Variants in ATP6V1D observed in about 807,000 individuals in gnomAD.
The protein encoded by ATP6V1D is ATPase H+ transporting V1 subunit D, also known as V-type proton ATPase subunit D.
Under a neutral mutation model 39.4 loss-of-function variants are expected in ATP6V1D, and 20 were observed. That is an observed-to-expected ratio of 0.51 (90% CI 0.36 to 0.74). The LOEUF is 0.74. ATP6V1D is among the 30% of genes least tolerant of loss of function. ATP6V1D has a pLI of 0.00. For missense variants in ATP6V1D, 228 were observed against 291.6 expected (o/e 0.78, Z 1.59); for synonymous variants, 100 against 100.5 (o/e 0.99, Z 0.03).
intron 1 of ATP6V1D, chr14:67,353,694 C>T (rs111455461): frequency 0.081 from 12,250 of 152,144 alleles, 1,167 homozygotes; most frequent in African/African-American, 0.23. Flanking sequence ...TTTCACCATA[C>T]TGACCAGGCT....
chr14:67,350,684 T>C lies in ATP6V1D; in HGVS notation c.166A>G (p.Met56Val), dbSNP rs763552551. Residue 56 changes from methionine to valine, a missense_variant, in exon 3 of 9, where the codon ATG (methionine) becomes GTG (valine). Met to Val is a conservative substitution (Grantham distance 21). Around this residue, in one of 3 missense-constraint regions of ATP6V1D, gnomAD observed 104 missense variants for 120.2 expected, o/e 0.87. Coordinates refer to ENST00000216442, the MANE Select transcript of ATP6V1D (RefSeq NM_015994.4). ...QILKKIIETK[M>V]LMGEVMREAA... ...TCTCTCATCACTTCGCCCATCAACA[T>C]TTTAGTCTGGAAAAGCATAAACCAA... 8.7e-6 allele frequency: 14 copies of C among 1,613,132 alleles called. No individual in the cohort carries two copies. The South Asian group carries it at 1.3e-4, about 15-fold the overall frequency.
chr14:67,347,790 G>A (rs764439462), intron 4 of ATP6V1D, among the ~76,000 whole-genome samples: 2 of 151,706 alleles, frequency 1.3e-5, no homozygotes, highest in Admixed American at 1.3e-4. Flanking sequence ...ATGAGCCACC[G>A]CGCCTGGCCT....
In ATP6V1D at chr14:67,338,733, A is replaced by T; in HGVS notation, c.632T>A (p.Ile211Asn). The change falls in exon 9 of 9, where the codon ATT (isoleucine) becomes AAT (asparagine). Residue 211 changes from isoleucine to asparagine, a missense_variant. Ile to Asn is a moderately radical substitution (Grantham distance 149). Around this residue, in one of 3 missense-constraint regions of ATP6V1D, gnomAD observed 114 missense variants for 128.3 expected, o/e 0.89. Coordinates refer to ENST00000216442, the MANE Select transcript of ATP6V1D (RefSeq NM_015994.4). ...GTCCTTCTCAGATTTTTCCTTTAGAATCTTTTTCTTCTCTTGTATTTTCTT... is the reference window on the plus strand; with the variant it reads ...GTCCTTCTCAGATTTTTCCTTTAGATTCTTTTTCTTCTCTTGTATTTTCTT... ...RLKKIQEKKK[I>N]LKEKSEKDLE... The T allele has an allele frequency of 6.2e-7, 1 of 1,613,332 alleles. No homozygotes were observed. The highest frequency in any genetic ancestry group is 8.5e-7 in the Non-Finnish European group (1 of 1,179,436).
intron 6 of ATP6V1D, 112 bp downstream of exon 6, chr14:67,345,656 G>C (rs2085614863): frequency 3.1e-6 from 2 of 647,562 alleles, no homozygotes; most frequent in South Asian, 3.9e-5. Flanking sequence ...ATAGGATCAT[G>C]GGAACAGTTA....
At chr14:67,344,913 CAA>C (rs1443312616) in intron 6 of ATP6V1D, among the ~76,000 whole-genome samples, 4 of 149,828 alleles carry the variant, frequency 2.7e-5, no homozygotes, top group Admixed American at 1.3e-4. Flanking sequence ...ACAAAAAAAA[CAA>C]GAGTGTACCA....
At chr14:67,347,767 TG>T (rs940992594) in intron 4 of ATP6V1D, among the ~76,000 whole-genome samples, 28 of 152,186 alleles carry the variant, frequency 1.8e-4, no homozygotes, top group African/African-American at 6.8e-4. Context: ...CCCAAAGTGC[TG>T]GGATTACAGG....
intron 8 of ATP6V1D, among the ~76,000 whole-genome samples, chr14:67,339,700 C>T (rs1177355884): frequency 6.6e-6 from 1 of 152,188 alleles, no homozygotes; most frequent in Non-Finnish European, 1.5e-5. Flanking sequence ...TTTATACCTT[C>T]TCCTGAACAT....
At chr14:67,342,489 C>T (rs906100869) in intron 7 of ATP6V1D, among the ~76,000 whole-genome samples, 12 of 149,616 alleles carry the variant, frequency 8.0e-5, no homozygotes, top group Admixed American at 2.0e-4. Context: ...TCATTAGGCT[C>T]GACTTTACAT....
At chr14:67,350,524 T>G in intron 3 of ATP6V1D, 87 bp downstream of exon 3, 3 of 1,211,252 alleles carry the variant, frequency 2.5e-6, no homozygotes, top group Non-Finnish European at 3.6e-6. Flanking sequence ...TAACGCTTAT[T>G]TCTAAATTAA....
chr14:67,350,540 G>C, intron 3 of ATP6V1D, 71 bp downstream of exon 3: 1 of 1,320,102 alleles, frequency 7.6e-7, no homozygotes, highest in Non-Finnish European at 1.1e-6. Context: ...ATTAAAAAAT[G>C]CTTTTTAAAT....
At chr14:67,338,800 G>C (rs2085558152) in intron 8 of ATP6V1D, 38 bp from the exon 9 acceptor site, 3 of 1,559,470 alleles carry the variant, frequency 1.9e-6, no homozygotes, top group Non-Finnish European at 2.6e-6. Flanking sequence ...TTTAAACACT[G>C]TTTCAATATT....
In ATP6V1D at chr14:67,359,716, G is replaced by C. The variant is rs1413652308; in HGVS notation, c.-18C>G. 1.2e-6 allele frequency: 2 copies of C among 1,613,522 alleles called. No individual in the cohort carries two copies. The highest frequency in any genetic ancestry group is 1.1e-5 in the South Asian group (1 of 91,040). On this transcript the variant is annotated 5_prime_UTR_variant, in exon 1 of 9. Transcript: ENST00000216442. ...CCCGACATTCTGACGATAACTTTTCGGCTCGGGTCCCCGGCCGGGCAACCG... is the reference window on the plus strand; with the variant it reads ...CCCGACATTCTGACGATAACTTTTCCGCTCGGGTCCCCGGCCGGGCAACCG...
chr14:67,347,495 G>C, intron 4 of ATP6V1D, 42 bp from the exon 5 acceptor site: 1 of 1,373,818 alleles, frequency 7.3e-7, no homozygotes, highest in Non-Finnish European at 9.9e-7. Flanking sequence ...AAACCTTTAA[G>C]TTCTCTCTTT....
At chr14:67,347,563 G>A (rs1032682288) in intron 4 of ATP6V1D, 110 bp from the exon 5 acceptor site, 10 of 912,710 alleles carry the variant, frequency 1.1e-5, no homozygotes, top group East Asian at 5.3e-5. Flanking sequence ...ATGCAATGGC[G>A]TGATCTCGCC....
chr14:67,345,121 A>C (rs1191455517), intron 6 of ATP6V1D, among the ~76,000 whole-genome samples: 2 of 151,778 alleles, frequency 1.3e-5, no homozygotes, highest in Non-Finnish European at 2.9e-5. Context: ...GCATGCCTAT[A>C]GTCCCAGCTA....
intron 1 of ATP6V1D, among the ~76,000 whole-genome samples, chr14:67,354,558 G>A (rs2085673662): frequency 6.6e-6 from 1 of 152,136 alleles, no homozygotes. Flanking sequence ...GGAGAAACAA[G>A]CTAAATGCTA....
intron 4 of ATP6V1D, among the ~76,000 whole-genome samples, chr14:67,348,385 T>C (rs1033337691): frequency 4.6e-5 from 7 of 151,852 alleles, no homozygotes; most frequent in African/African-American, 1.7e-4. Context: ...TTTGTATTCT[T>C]TGGTAAAGAT....
At chr14:67,351,138 C>T (rs1465734485) in intron 2 of ATP6V1D, among the ~76,000 whole-genome samples, 1 of 151,928 alleles carries the variant, frequency 6.6e-6, no homozygotes, top group East Asian at 1.9e-4. Flanking sequence ...AGTTGCCTTC[C>T]CAAGTATTAA....
At position 67,341,797 on chromosome 14, in the gene ATP6V1D, G is replaced by A. The variant is rs371707739; in HGVS notation, c.524-1279C>T. Among the ~76,000 whole-genome samples the A allele has an allele frequency of 4.3e-4, 66 of 152,380 alleles. 1 individual carries two copies. In the East Asian group the frequency reaches 0.011, roughly 26 times the overall value. On this transcript the variant is annotated intron_variant, in intron 7 of 8. Transcript: ENST00000216442. ...ATCGGATGGTTGCTGTGTCTGTGTA[G>A]AAAGAAGTAGACATGGGAGACTTTT...
Sources: allele counts gnomAD v4.1 joint callset (sites outside exome capture counted in the v4.1 genomes callset), GRCh38; gene constraint gnomAD v4.1.1; regional missense constraint gnomAD v4.1.1; transcripts MANE v1.5; gene names NCBI Gene and HGNC (gene_info 2026-07-23, HGNC 2026-07-21).